NCAM2: variants seen among roughly 807,000 people sequenced by gnomAD.
NCAM2 encodes N-CAM-2.
Under a neutral mutation model 98.1 loss-of-function variants are expected in NCAM2, and 30 were observed. The observed-to-expected ratio is 0.31, with a 90% CI of 0.23 to 0.41. NCAM2 has a LOEUF of 0.41. NCAM2 is among the 10% of genes least tolerant of loss of function. The pLI is 1.00. For missense variants in NCAM2, 867 were observed against 1,005.8 expected (o/e 0.86, Z 1.87); for synonymous variants, 368 against 342.4 (o/e 1.07, Z -0.83).
At position 21,248,335 on chromosome 21, in the gene NCAM2, CTCA is replaced by C. The variant is rs527261011; in HGVS notation, c.56-32238_56-32236del. 1.9e-4 allele frequency among the ~76,000 whole-genome samples: 29 copies of C among 151,958 alleles called. No individual in the cohort carries two copies. The South Asian group carries it at 2.5e-3, about 13-fold the overall frequency. Reference sequence around the variant, plus strand: ...TTGATGAATTAAATGTTAATATTCCCTCATCATTTAAATAATTTCATTTTGATT... The same window carrying C: ...TTGATGAATTAAATGTTAATATTCCCTCATTTAAATAATTTCATTTTGATT... On this transcript the variant is annotated intron_variant, in intron 1 of 17. Coordinates refer to ENST00000400546, the MANE Select transcript of NCAM2 (RefSeq NM_004540.5).
intron 11 of NCAM2, among the ~76,000 whole-genome samples, chr21:21,423,297 C>CA (rs1422754066): frequency 2.6e-5 from 4 of 152,210 alleles, no homozygotes; most frequent in African/African-American, 9.6e-5. Context: ...GCAGTCATTC[C>CA]AAGAGGTACC....
intron 11 of NCAM2, among the ~76,000 whole-genome samples, chr21:21,421,457 T>C (rs2077110093): frequency 1.3e-5 from 2 of 152,134 alleles, no homozygotes; most frequent in Admixed American, 6.6e-5. Flanking sequence ...GAATTTGTTT[T>C]AGAAAAAGGT....
At chr21:21,218,262 A>C (rs942117446) in intron 1 of NCAM2, among the ~76,000 whole-genome samples, 1 of 152,216 alleles carries the variant, frequency 6.6e-6, no homozygotes, top group Non-Finnish European at 1.5e-5. Flanking sequence ...AGTAAAGTTA[A>C]GTTACCAGAT....
At chr21:21,301,692 A>G (rs1212599705) in intron 5 of NCAM2, among the ~76,000 whole-genome samples, 11 of 150,436 alleles carry the variant, frequency 7.3e-5, no homozygotes, top group Non-Finnish European at 1.6e-4. Flanking sequence ...AATTTCATCC[A>G]TGTCCCTACA....
chr21:21,002,471 A>G (rs1414318436), intron 1 of NCAM2, among the ~76,000 whole-genome samples: 1 of 152,184 alleles, frequency 6.6e-6, no homozygotes, highest in Non-Finnish European at 1.5e-5. Context: ...AATGAGCTAC[A>G]GAGATTGAGG....
intron 1 of NCAM2, among the ~76,000 whole-genome samples, chr21:21,102,733 A>G (rs952786373): frequency 1.3e-5 from 2 of 152,032 alleles, no homozygotes; most frequent in African/African-American, 4.8e-5. Context: ...GTATTCTGAA[A>G]CAGTTTGAAA....
chr21:21,442,504 AT>A (rs1979453493), intron 12 of NCAM2, among the ~76,000 whole-genome samples: 1 of 152,208 alleles, frequency 6.6e-6, no homozygotes, highest in South Asian at 2.1e-4. Context: ...AGCCTTGTGA[AT>A]TAAGACTTAA....
At chr21:21,189,287 T>G (rs2068742611) in intron 1 of NCAM2, among the ~76,000 whole-genome samples, 1 of 152,166 alleles carries the variant, frequency 6.6e-6, no homozygotes, top group Admixed American at 6.5e-5. Flanking sequence ...TTTTAATATA[T>G]AATAAAATAA....
At chr21:21,068,458 ATT>A (rs566218063) in intron 1 of NCAM2, among the ~76,000 whole-genome samples, 22,461 of 111,968 alleles carry the variant, frequency 0.2, 1,819 homozygotes, top group Middle Eastern at 0.25. Context: ...ATGGTATTGC[ATT>A]TTTTTTTTTT....
chr21:21,348,667 A>G (rs991207807), intron 8 of NCAM2, among the ~76,000 whole-genome samples: 1 of 152,072 alleles, frequency 6.6e-6, no homozygotes, highest in African/African-American at 2.4e-5. Flanking sequence ...GACAAATCAC[A>G]TTACCTGACT....
intron 7 of NCAM2, 52 bp downstream of exon 7, chr21:21,335,717 A>G (rs1156822456): frequency 7.4e-7 from 1 of 1,358,668 alleles, no homozygotes; most frequent in Non-Finnish European, 9.7e-7. Context: ...GGAAGATCAG[A>G]GTGAAATTCT....
intron 16 of NCAM2, among the ~76,000 whole-genome samples, chr21:21,511,619 C>A (rs543780676): frequency 9.9e-5 from 15 of 152,000 alleles, no homozygotes; most frequent in African/African-American, 3.1e-4. Context: ...GCAGAGGAAT[C>A]ACTGGATCAC....
chr21:21,273,588 G>T (rs1017561563), intron 1 of NCAM2, among the ~76,000 whole-genome samples: 1 of 151,934 alleles, frequency 6.6e-6, no homozygotes, highest in Non-Finnish European at 1.5e-5. Flanking sequence ...GAAGATTATG[G>T]TTTATTTTAA....
intron 12 of NCAM2, among the ~76,000 whole-genome samples, chr21:21,455,940 ATAT>A (rs1982078090): frequency 1.3e-5 from 2 of 152,058 alleles, no homozygotes; most frequent in Non-Finnish European, 2.9e-5. Flanking sequence ...CAAATTTTAA[ATAT>A]TATTATGAAT....
chr21:21,298,976 T>G (rs1427730133), intron 5 of NCAM2, among the ~76,000 whole-genome samples: 1 of 151,318 alleles, frequency 6.6e-6, no homozygotes, highest in African/African-American at 2.4e-5. Flanking sequence ...TCTCTAAAAT[T>G]TATTTGATGA....
chr21:21,357,279 A>G (rs575250387), intron 8 of NCAM2, among the ~76,000 whole-genome samples: 9 of 152,266 alleles, frequency 5.9e-5, no homozygotes, highest in Admixed American at 1.3e-4. Flanking sequence ...TGCAAACTCT[A>G]TCACCAAAAT....
intron 10 of NCAM2, among the ~76,000 whole-genome samples, chr21:21,416,021 G>A (rs188607721): frequency 2.6e-4 from 39 of 152,212 alleles, no homozygotes; most frequent in African/African-American, 9.4e-4. Flanking sequence ...TGTTGCAATA[G>A]GCTTCTGTTT....
At chr21:21,257,338 G>C (rs532143104) in intron 1 of NCAM2, among the ~76,000 whole-genome samples, 3 of 152,268 alleles carry the variant, frequency 2.0e-5, no homozygotes, top group Non-Finnish European at 2.9e-5. Context: ...GAAATAAACT[G>C]TTTACATGAT....
At chr21:21,143,725 G>C (rs2067215186) in intron 1 of NCAM2, among the ~76,000 whole-genome samples, 1 of 149,522 alleles carries the variant, frequency 6.7e-6, no homozygotes, top group African/African-American at 2.5e-5. Context: ...ATCTCTTCAT[G>C]CACCAAAAAC....
Sources: allele counts gnomAD v4.1 joint callset (sites outside exome capture counted in the v4.1 genomes callset), GRCh38; gene constraint gnomAD v4.1.1; transcripts MANE v1.5; gene names NCBI Gene and HGNC (gene_info 2026-07-23, HGNC 2026-07-21).